PDRG1: variants seen among roughly 807,000 people sequenced by gnomAD.
PDRG1 encodes p53 and DNA damage regulated 1, also known as p53 and DNA damage-regulated protein 1.
Under a neutral mutation model 18.4 loss-of-function variants are expected in PDRG1, and 14 were observed. The observed-to-expected ratio is 0.76, with a 90% CI of 0.50 to 1.19. PDRG1 has a LOEUF of 1.19. Ranked by LOEUF, PDRG1 falls within the 50% of genes most tolerant of loss-of-function variation. The pLI is 0.00. For missense variants in PDRG1, 177 were observed against 160.1 expected (o/e 1.11, Z -0.57); for synonymous variants, 65 against 60.9 (o/e 1.07, Z -0.31).
intron 3 of PDRG1, among the ~76,000 whole-genome samples, chr20:31,947,599 T>C (rs935336763): frequency 1.3e-5 from 2 of 152,226 alleles, no homozygotes; most frequent in Non-Finnish European, 2.9e-5. Flanking sequence ...TTAGTAGTTT[T>C]ATGTCACTGG....
At chr20:31,946,703 G>A (rs2064321514) in intron 3 of PDRG1, 127 bp from the exon 4 acceptor site, 2 of 772,396 alleles carry the variant, frequency 2.6e-6, no homozygotes, top group South Asian at 1.5e-5. Context: ...GGACATCAGA[G>A]GCCAACTGAG....
intron 4 of PDRG1, 85 bp from the exon 5 acceptor site, chr20:31,945,974 A>C: frequency 3.6e-6 from 4 of 1,110,904 alleles, no homozygotes; most frequent in Non-Finnish European, 5.3e-6. Flanking sequence ...CGCTGCACTA[A>C]TGCTGCCAAA....
Position 31,948,805 on chromosome 20 carries a change from T to G in PDRG1, c.238+3A>C. 4 of 1,613,368 alleles carry G rather than the reference T, an allele frequency of 2.5e-6. No homozygotes were observed. The highest frequency in any genetic ancestry group is 2.5e-6 in the Non-Finnish European group (3 of 1,179,624). ...CCCCTGACCCATCCCCAGGAGGCCT[T>G]ACCTTTTTCAATCATTTCCTTTGTC... On this transcript the variant is annotated splice_donor_region_variant and intron_variant, in intron 3 of 4. Coordinates refer to ENST00000202017, the MANE Select transcript of PDRG1 (RefSeq NM_030815.3).
intron 1 of PDRG1, 91 bp downstream of exon 1, chr20:31,951,784 T>G: frequency 7.3e-7 from 1 of 1,374,512 alleles, no homozygotes; most frequent in South Asian, 1.5e-5. Flanking sequence ...TCGGAGCCGT[T>G]AACCGCCTGT....
At chr20:31,949,173 C>T (rs6058500) in intron 2 of PDRG1, among the ~76,000 whole-genome samples, 3 of 152,126 alleles carry the variant, frequency 2.0e-5, no homozygotes, top group Non-Finnish European at 4.4e-5. Flanking sequence ...ACACAGAGAC[C>T]TAAGGAAAGT....
Position 31,951,956 on chromosome 20 carries a change from T to G in PDRG1, c.6A>C (p.Leu2=), listed in dbSNP as rs139495439. 2.5e-6 allele frequency: 4 copies of G among 1,571,370 alleles called. No homozygotes were observed. In the East Asian group the frequency reaches 9.7e-5, roughly 38 times the overall value. The change falls in exon 1 of 5, where the codon CTA becomes CTC. Residue 2 remains leucine, a synonymous_variant. Transcript: ENST00000202017. M[L]SPEAERVLRY... ...GCAGCACTCGCTCTGCCTCGGGTGA[T>G]AGCATAGCGCCCACCAACTCCGCTT...
intron 3 of PDRG1, among the ~76,000 whole-genome samples, 183 bp downstream of exon 3, chr20:31,948,625 C>A (rs2064333182): frequency 6.9e-6 from 1 of 145,850 alleles, no homozygotes; most frequent in Non-Finnish European, 1.5e-5. Flanking sequence ...AGATGCATCC[C>A]CCTCTTAGAG....
chr20:31,946,948 T>C (rs2064323148), intron 3 of PDRG1, among the ~76,000 whole-genome samples: 1 of 152,242 alleles, frequency 6.6e-6, no homozygotes, highest in Non-Finnish European at 1.5e-5. Context: ...CCACCCTAGA[T>C]GGCTGGAAAA....
chr20:31,952,002 G>C lies in PDRG1; in HGVS notation c.-41C>G, dbSNP rs1428085660. The C allele has an allele frequency of 1.3e-6, 2 of 1,499,754 alleles. No individual in the cohort carries two copies. Among genetic ancestry groups the C allele is most frequent in the East Asian group, 2.7e-5 (1 of 37,084 alleles). 92.9% of individuals were successfully genotyped at this position (1,499,754 alleles called of 1,614,324 possible). A position where few individuals can be genotyped will look rare whatever the true frequency, so the allele number is the denominator to read the frequency against. On this transcript the variant is annotated 5_prime_UTR_variant, in exon 1 of 5. Transcript: ENST00000202017. ...CGCTTGCGGCTCTCGCGCGACCCCG[G>C]GATCTCCGCTTCGACTCCCGCTGCG...
At chr20:31,946,354 C>A (rs1312054794) in intron 4 of PDRG1, 142 bp downstream of exon 4, 1 of 741,694 alleles carries the variant, frequency 1.3e-6, no homozygotes, top group Admixed American at 2.1e-5. Flanking sequence ...TACAACCAAC[C>A]ACTGTGCACA....
In PDRG1 at chr20:31,945,886, T is replaced by C. The variant is rs768088765; in HGVS notation, c.323A>G (p.Lys108Arg). ...KVNRLFEAQG[K>R]PELKGFNLNP... ...CAAGTTAAAACCCTTCAGCTCCGGT[T>C]TGCCTAGGAGAGAAGATGATCCATC... The change falls in exon 5 of 5, where the codon AAA becomes AGA. Residue 108 changes from lysine (K) to arginine (R), a missense_variant. Physicochemically the swap from Lys to Arg is conservative, Grantham distance 26 (BLOSUM62 2). Coordinates refer to ENST00000202017, the MANE Select transcript of PDRG1 (RefSeq NM_030815.3). 15 of 1,613,132 alleles carry C rather than the reference T, an allele frequency of 9.3e-6. No homozygotes were observed. Among genetic ancestry groups the C allele is most frequent in the Non-Finnish European group, 1.3e-5 (15 of 1,179,752 alleles).
Position 31,945,495 on chromosome 20 carries a change from G to A in PDRG1, c.*312C>T, listed in dbSNP as rs970825971. 7.8e-6 allele frequency: 2 copies of A among 256,446 alleles called. No individual in the cohort carries two copies. Among genetic ancestry groups the A allele is most frequent in the Non-Finnish European group, 1.5e-5 (2 of 132,786 alleles). The allele number at this position is 256,446 out of a possible 1,614,324, so 15.9% of individuals were successfully genotyped here. ...CCATGTGAACAGCAGGCCATTGTTG[G>A]GAAGTGCCTGTTGCAGTCATTCTTA... is the stretch of plus-strand genomic sequence containing the variant. On this transcript the variant is annotated 3_prime_UTR_variant, in exon 5 of 5. Coordinates refer to ENST00000202017, the MANE Select transcript of PDRG1 (RefSeq NM_030815.3).
intron 2 of PDRG1, among the ~76,000 whole-genome samples, chr20:31,949,985 C>T (rs544352042): frequency 3.9e-5 from 6 of 152,290 alleles, no homozygotes; most frequent in African/African-American, 1.4e-4. Flanking sequence ...TTTTCAATTA[C>T]GCATTTTACG....
At chr20:31,951,075 C>T (rs370122988) in intron 1 of PDRG1, among the ~76,000 whole-genome samples, 1 of 152,148 alleles carries the variant, frequency 6.6e-6, no homozygotes, top group African/African-American at 2.4e-5. Context: ...ACTTTAACTG[C>T]TCTTATTCTC....
Position 31,950,318 on chromosome 20 carries a change from G to T in PDRG1, c.157C>A (p.Leu53Ile). ...TGAGAAAATTTCAACTTACCAGAGAGGCTGAGATCCTTCTGCAGGGCCCTC... is the reference window on the plus strand; with the variant it reads ...TGAGAAAATTTCAACTTACCAGAGATGCTGAGATCCTTCTGCAGGGCCCTC... ...GLRALQKDLS[L>I]SEDVMVCFGN... The change falls in exon 2 of 5, where the codon CTC (leucine) becomes ATC (isoleucine). Residue 53 changes from leucine (L) to isoleucine (I), a missense_variant. By Grantham distance (5) the Leu-to-Ile change is conservative. Coordinates refer to ENST00000202017, the MANE Select transcript of PDRG1 (RefSeq NM_030815.3). 6.2e-7 allele frequency: 1 copy of T among 1,607,688 alleles called. No homozygotes were observed. Among genetic ancestry groups the T allele is most frequent in the African/African-American group, 1.3e-5 (1 of 74,908 alleles).
At position 31,951,997 on chromosome 20, in the gene PDRG1, C is replaced by T; in HGVS notation, c.-36G>A. On this transcript the variant is annotated 5_prime_UTR_variant, in exon 1 of 5. Transcript: ENST00000202017. ...AACTCCGCTTGCGGCTCTCGCGCGA[C>T]CCCGGGATCTCCGCTTCGACTCCCG... is the stretch of plus-strand genomic sequence containing the variant. The T allele has an allele frequency of 6.6e-7, 1 of 1,505,160 alleles. No homozygotes were observed. The highest frequency in any genetic ancestry group is 8.8e-7 in the Non-Finnish European group (1 of 1,130,316). 93.2% of individuals were successfully genotyped at this position (1,505,160 alleles called of 1,614,324 possible). A position where few individuals can be genotyped will look rare whatever the true frequency, so the allele number is the denominator to read the frequency against.
Position 31,944,511 on chromosome 20 carries a change from A to C in PDRG1, c.*1296T>G, listed in dbSNP as rs2064284103. 6.6e-6 allele frequency: 1 copy of C among 152,330 alleles called. No homozygotes were observed. The highest frequency in any genetic ancestry group is 1.5e-5 in the Non-Finnish European group (1 of 68,150). The allele number at this position is 152,330 out of a possible 1,614,324, so 9.4% of individuals were successfully genotyped here. A position where few individuals can be genotyped will look rare whatever the true frequency, so the allele number is the denominator to read the frequency against. ...AGGGAATCACACTGTGCTTGCACAA[A>C]AATTATTAGCTTATAAGACACCAGC... is the stretch of plus-strand genomic sequence containing the variant. On this transcript the variant is annotated 3_prime_UTR_variant, in exon 5 of 5. Coordinates refer to ENST00000202017, the MANE Select transcript of PDRG1 (RefSeq NM_030815.3).
rs77651698 is a variant in PDRG1, at chr20:31,949,259, T to C, written c.164-377A>G. Among the ~76,000 whole-genome samples, 343 of 152,066 alleles carry C rather than the reference T, an allele frequency of 2.3e-3. 8 individuals carry two copies. The East Asian group carries it at 0.038, about 17-fold the overall frequency. ...AAACAACAGGAACAGCAAAGATCAG[T>C]AGTGTGCTTGGGGTGTTCAGAACAG... is the stretch of plus-strand genomic sequence containing the variant. On this transcript the variant is annotated intron_variant, in intron 2 of 4. Transcript: ENST00000202017.
chr20:31,949,572 C>CAAAT (rs775508495), intron 2 of PDRG1, among the ~76,000 whole-genome samples: 4 of 143,512 alleles, frequency 2.8e-5, no homozygotes, highest in Admixed American at 7.2e-5. Context: ...GCTCTGTCTC[C>CAAAT]AAATAAATAA....
Sources: allele counts gnomAD v4.1 joint callset (sites outside exome capture counted in the v4.1 genomes callset), GRCh38; gene constraint gnomAD v4.1.1; transcripts MANE v1.5; gene names NCBI Gene and HGNC (gene_info 2026-07-23, HGNC 2026-07-21).